The following NDRG4 variants were observed in gnomAD, a reference collection of about 807,000 sequenced individuals.
NDRG4 encodes the protein protein NDRG4.
NDRG4 carries 38 observed loss-of-function variants against 55.8 expected under a neutral mutation model. The observed-to-expected ratio is 0.68, with a 90% CI of 0.53 to 0.89. NDRG4 has a LOEUF of 0.89. Among genes scored for constraint, NDRG4 ranks in the 40% least tolerant of loss-of-function variants. The probability of loss-of-function intolerance (pLI) is 0.00; values close to 1 mark genes in which losing one functional copy is unlikely to be tolerated. For synonymous variants in NDRG4, 190 were observed against 182.7 expected (o/e 1.04, Z -0.32); for missense variants, 455 against 468.6 (o/e 0.97, Z 0.27).
At chr16:58,501,301 G>T in intron 1 of NDRG4, 1 of 383,972 alleles carries the variant, frequency 2.6e-6, no homozygotes, top group Non-Finnish European at 4.6e-6. Context: ...CTCCCACACC[G>T]GCGCAAAGCC....
At chr16:58,487,899 C>G (rs1264747405) in intron 2 of NDRG4, 1 of 1,407,400 alleles carries the variant, frequency 7.1e-7, no homozygotes, top group Non-Finnish European at 9.5e-7. Flanking sequence ...CGCGCCACCT[C>G]GTGGCCAAGA....
In NDRG4 at chr16:58,512,267, C is replaced by T; in HGVS notation, c.*691C>T. 1 of 360,914 alleles carries T rather than the reference C, an allele frequency of 2.8e-6. No homozygotes were observed. The highest frequency in any genetic ancestry group is 2.0e-5 in the South Asian group (1 of 48,874). The allele number at this position is 360,914 out of a possible 1,614,324, so 22.4% of individuals were successfully genotyped here. A position where few individuals can be genotyped will look rare whatever the true frequency, so the allele number is the denominator to read the frequency against. On this transcript the variant is annotated 3_prime_UTR_variant, in exon 15 of 15. Coordinates refer to ENST00000570248, the MANE Select transcript of NDRG4 (RefSeq NM_001242835.2). ...CACTCTGCCACCTCCTGGCCCTGTC[C>T]CAATTCTGAGCCAAGGCCTCCCCGA...
At chr16:58,473,657 C>T (rs539170605) in intron 1 of NDRG4, among the ~76,000 whole-genome samples, 3 of 152,096 alleles carry the variant, frequency 2.0e-5, no homozygotes, top group Non-Finnish European at 2.9e-5. Flanking sequence ...CTGATGGATC[C>T]GTGAGTCCCC....
chr16:58,509,947 C>G (rs935444339), intron 13 of NDRG4, among the ~76,000 whole-genome samples: 2 of 151,652 alleles, frequency 1.3e-5, no homozygotes, highest in Non-Finnish European at 2.9e-5. Context: ...CAGACACACA[C>G]ACACACACAC....
Position 58,500,162 on chromosome 16 carries a change from A to C in NDRG4, c.-87A>C, listed in dbSNP as rs1442823949. ...CCCATCACAGAGCCGACCATCTCCC[A>C]CTCGAGCTGCCCCCGCCCTCTGGAC... is the stretch of plus-strand genomic sequence containing the variant. On this transcript the variant is annotated 5_prime_UTR_variant, in exon 1 of 15. Coordinates refer to ENST00000570248, the MANE Select transcript of NDRG4 (RefSeq NM_001242835.2). 4.6e-6 allele frequency: 7 copies of C among 1,535,376 alleles called. No individual in the cohort carries two copies. In the East Asian group the frequency reaches 1.5e-4, roughly 32 times the overall value.
At chr16:58,501,127 C>A in intron 1 of NDRG4, 2 of 1,174,984 alleles carry the variant, frequency 1.7e-6, no homozygotes, top group Non-Finnish European at 1.1e-6. Flanking sequence ...GGCAGACTCA[C>A]CCCCACCCCC....
intron 1 of NDRG4, among the ~76,000 whole-genome samples, chr16:58,467,823 C>T (rs578006110): frequency 1.2e-4 from 18 of 152,176 alleles, no homozygotes; most frequent in East Asian, 1.9e-4. Flanking sequence ...CAGCTTCTGG[C>T]GGGCGGATAG....
At position 58,504,282 on chromosome 16, in the gene NDRG4, C is replaced by T. The variant is rs373339784; in HGVS notation, c.248+8C>T. ...GTCGCAGTTTCCTCAGGGGTAGGTA[C>T]CCTGAGCCCCCTCTGCCTGTCTCCA... On this transcript the variant is annotated splice_region_variant and intron_variant, in intron 3 of 14. Transcript: ENST00000570248. 1 of 1,613,938 alleles carries T rather than the reference C, an allele frequency of 6.2e-7. No individual in the cohort carries two copies. The highest frequency in any genetic ancestry group is 8.5e-7 in the Non-Finnish European group (1 of 1,179,998).
intron 1 of NDRG4, chr16:58,500,573 C>T: frequency 1.8e-6 from 1 of 546,306 alleles, no homozygotes; most frequent in Non-Finnish European, 3.2e-6. Context: ...TCTGACTTGG[C>T]TGCATTGCCC....
chr16:58,501,915 A>G (rs1405170607), intron 1 of NDRG4: 3 of 446,300 alleles, frequency 6.7e-6, no homozygotes, highest in African/African-American at 6.0e-5. Flanking sequence ...TCGACGTCTG[A>G]CCCCAGGAGG....
intron 1 of NDRG4, among the ~76,000 whole-genome samples, chr16:58,476,555 G>A (rs1395976955): frequency 1.3e-5 from 2 of 152,098 alleles, no homozygotes; most frequent in Admixed American, 6.6e-5. Flanking sequence ...CTAAGATTGG[G>A]ATGCATCATA....
rs1472743701 is a variant in NDRG4 at position 58,510,694 on chromosome 16, G to C, written c.904+11G>C. 6.5e-7 allele frequency: 1 copy of C among 1,535,660 alleles called. No homozygotes were observed. Among genetic ancestry groups the C allele is most frequent in the Non-Finnish European group, 8.7e-7 (1 of 1,146,790 alleles). ...TGAGTGGAGGAGCAGGTAGCCCCAC[G>C]GCCCTTCCCCTGATGCATGGACGCC... is the stretch of plus-strand genomic sequence containing the variant. On this transcript the variant is annotated intron_variant, in intron 14 of 14. Coordinates refer to ENST00000570248, the MANE Select transcript of NDRG4 (RefSeq NM_001242835.2).
chr16:58,501,520 G>A (rs1351500373), intron 1 of NDRG4: 1 of 161,296 alleles, frequency 6.2e-6, no homozygotes, highest in East Asian at 1.8e-4. Flanking sequence ...ACCGCGCTGT[G>A]GCCCTTGTGG....
At chr16:58,471,714 C>A (rs1205423465) in intron 1 of NDRG4, among the ~76,000 whole-genome samples, 1 of 152,120 alleles carries the variant, frequency 6.6e-6, no homozygotes, top group Non-Finnish European at 1.5e-5. Context: ...TAACAAATAA[C>A]CCTGGGGACC....
At chr16:58,494,927 G>T in intron 2 of NDRG4, 1 of 1,610,778 alleles carries the variant, frequency 6.2e-7, no homozygotes, top group Non-Finnish European at 8.5e-7. Context: ...ACCAGCCAGG[G>T]CCTAACTTGC....
chr16:58,497,128 C>T (rs1002222658), upstream of NDRG4: 1 of 152,100 alleles, frequency 6.6e-6, no homozygotes, highest in African/African-American at 2.4e-5. Flanking sequence ...TTGAGGCCAG[C>T]CTTGCCAATA....
intron 1 of NDRG4, chr16:58,501,002 C>A: frequency 8.0e-7 from 1 of 1,244,960 alleles, no homozygotes; most frequent in Non-Finnish European, 1.0e-6. Context: ...GGGAAGGCAA[C>A]GCTGGAGCCG....
intron 2 of NDRG4, among the ~76,000 whole-genome samples, chr16:58,494,641 G>C (rs1480718125): frequency 6.6e-6 from 1 of 152,030 alleles, no homozygotes; most frequent in African/African-American, 2.4e-5. Context: ...CTGGCACTTC[G>C]GTGAGCCCTT....
intron 1 of NDRG4, among the ~76,000 whole-genome samples, chr16:58,482,747 C>CCCTTCCTTCTTT (rs2034608310): frequency 7.3e-6 from 1 of 136,994 alleles, no homozygotes; most frequent in Non-Finnish European, 1.6e-5. Context: ...CTTCCTCCCT[C>CCCTTCCTTCTTT]CCTTCCTTCT....
Sources: allele counts gnomAD v4.1 joint callset (sites outside exome capture counted in the v4.1 genomes callset), GRCh38; gene constraint gnomAD v4.1.1; transcripts MANE v1.5; gene names NCBI Gene and HGNC (gene_info 2026-07-23, HGNC 2026-07-21).